FAF1: variants seen among roughly 807,000 people sequenced by gnomAD.
The protein encoded by FAF1 is FAS-associated factor 1.
A neutral mutation model predicts 92.5 loss-of-function variants in FAF1; 25 were observed. The observed-to-expected ratio is 0.27, with a 90% CI of 0.20 to 0.38. FAF1 has a LOEUF of 0.38. FAF1 is among the 10% of genes least tolerant of loss of function. The probability of loss-of-function intolerance (pLI) is 1.00; values close to 1 mark genes in which losing one functional copy is unlikely to be tolerated. For missense variants in FAF1, 636 were observed against 793.3 expected (o/e 0.80, Z 2.38); for synonymous variants, 234 against 273.2 (o/e 0.86, Z 1.42).
intron 13 of FAF1, among the ~76,000 whole-genome samples, chr1:50,552,754 C>A (rs1329933646): frequency 6.6e-6 from 1 of 151,714 alleles, no homozygotes; most frequent in Admixed American, 6.6e-5. Flanking sequence ...CTAGTGGGGG[C>A]AGCTGGGAGG....
chr1:50,673,731 GCT>G (rs1373120191), intron 7 of FAF1, among the ~76,000 whole-genome samples: 1 of 152,020 alleles, frequency 6.6e-6, no homozygotes, highest in Non-Finnish European at 1.5e-5. Context: ...AAATGCAAAG[GCT>G]CTGTTAGGTA....
chr1:50,893,339 C>A (rs140438824), intron 1 of FAF1, among the ~76,000 whole-genome samples: 1 of 152,142 alleles, frequency 6.6e-6, no homozygotes, highest in Non-Finnish European at 1.5e-5. Flanking sequence ...GGAAGACTTT[C>A]CAGGTATTGG....
chr1:50,541,125 T>A (rs887609812), intron 13 of FAF1, among the ~76,000 whole-genome samples: 2 of 152,200 alleles, frequency 1.3e-5, no homozygotes, highest in Non-Finnish European at 2.9e-5. Context: ...TCTTAATTTT[T>A]AAAGCCAATA....
chr1:50,657,284 C>T (rs1264415214), intron 7 of FAF1, among the ~76,000 whole-genome samples: 2 of 151,114 alleles, frequency 1.3e-5, no homozygotes, highest in Non-Finnish European at 3.0e-5. Flanking sequence ...TCACAAATAA[C>T]GAATCATAAT....
intron 15 of FAF1, among the ~76,000 whole-genome samples, chr1:50,508,714 T>C (rs1162881054): frequency 6.6e-6 from 1 of 152,206 alleles, no homozygotes; most frequent in Admixed American, 6.5e-5. Context: ...TTGATTTTAT[T>C]TATTTGAGAT....
At chr1:50,907,232 A>G (rs780673900) in intron 1 of FAF1, among the ~76,000 whole-genome samples, 1 of 152,172 alleles carries the variant, frequency 6.6e-6, no homozygotes. Flanking sequence ...GATGAAGACA[A>G]CTTGATCGTG....
intron 7 of FAF1, among the ~76,000 whole-genome samples, chr1:50,700,307 T>A (rs1657411202): frequency 6.6e-6 from 1 of 152,088 alleles, no homozygotes; most frequent in South Asian, 2.1e-4. Flanking sequence ...CAGAGGTTCT[T>A]TTCCCCCCTC....
chr1:50,664,748 C>A (rs779651981), intron 7 of FAF1, among the ~76,000 whole-genome samples: 4 of 152,206 alleles, frequency 2.6e-5, no homozygotes, highest in African/African-American at 9.6e-5. Context: ...GAGTCGAGAT[C>A]GCGCTACTGC....
At chr1:50,557,326 C>T (rs970789641) in intron 13 of FAF1, among the ~76,000 whole-genome samples, 3 of 152,170 alleles carry the variant, frequency 2.0e-5, no homozygotes, top group African/African-American at 7.2e-5. Context: ...TTTAAAAAGT[C>T]TTTAGAGTTA....
chr1:50,875,875 T>C (rs989370381), intron 1 of FAF1, among the ~76,000 whole-genome samples: 1 of 152,212 alleles, frequency 6.6e-6, no homozygotes, highest in Non-Finnish European at 1.5e-5. Flanking sequence ...GACTCTAGTT[T>C]TGATAAAACC....
chr1:50,595,603 C>T (rs1004338064), intron 9 of FAF1, among the ~76,000 whole-genome samples: 3 of 152,074 alleles, frequency 2.0e-5, no homozygotes, highest in Admixed American at 6.6e-5. Context: ...AGTGCAGTGG[C>T]GCGATCTCGG....
At chr1:50,851,818 C>T (rs1399369430) in intron 2 of FAF1, among the ~76,000 whole-genome samples, 1 of 151,962 alleles carries the variant, frequency 6.6e-6, no homozygotes, top group Non-Finnish European at 1.5e-5. Flanking sequence ...AACTGTGAAC[C>T]TCAAAAGGTT....
chr1:50,821,935 C>G (rs953909645), intron 2 of FAF1, among the ~76,000 whole-genome samples: 1 of 151,700 alleles, frequency 6.6e-6, no homozygotes, highest in Non-Finnish European at 1.5e-5. Context: ...CTACGGTCAC[C>G]GAAATGCTCT....
chr1:50,575,416 A>G (rs1212279298), intron 12 of FAF1, among the ~76,000 whole-genome samples: 1 of 152,138 alleles, frequency 6.6e-6, no homozygotes, highest in African/African-American at 2.4e-5. Context: ...ATTTATATAA[A>G]CTATATCAGC....
intron 4 of FAF1, among the ~76,000 whole-genome samples, chr1:50,759,987 T>C (rs954088989): frequency 3.3e-5 from 5 of 152,218 alleles, no homozygotes; most frequent in African/African-American, 1.2e-4. Flanking sequence ...TCACCCACTT[T>C]TTGATGGGGT....
chr1:50,956,939 A>ACTCCAT (rs1308662513), intron 1 of FAF1, among the ~76,000 whole-genome samples: 1 of 152,136 alleles, frequency 6.6e-6, no homozygotes, highest in East Asian at 1.9e-4. Flanking sequence ...CAAGAGTGAA[A>ACTCCAT]CTCCATCTCA....
Position 50,904,026 on chromosome 1 carries a change from T to C in FAF1, c.46-46029A>G, listed in dbSNP as rs575901944. ...AACAATTCCACTTCCGGGTATATAT[T>C]CCAAAAACTAAATGAAAACAGGGAT... is the stretch of plus-strand genomic sequence containing the variant. On this transcript the variant is annotated intron_variant, in intron 1 of 18. Coordinates refer to ENST00000396153, the MANE Select transcript of FAF1 (RefSeq NM_007051.3). Among the ~76,000 whole-genome samples, 5 of 152,144 alleles carry C rather than the reference T, an allele frequency of 3.3e-5. No homozygotes were observed. The South Asian group carries it at 1.0e-3, about 31-fold the overall frequency.
intron 8 of FAF1, among the ~76,000 whole-genome samples, chr1:50,622,499 C>A (rs1042563903): frequency 6.6e-6 from 1 of 152,132 alleles, no homozygotes; most frequent in Non-Finnish European, 1.5e-5. Flanking sequence ...CACTTCCAGG[C>A]CGCATTTAGT....
chr1:50,475,359 G>C, intron 18 of FAF1, 105 bp downstream of exon 18: 1 of 812,778 alleles, frequency 1.2e-6, no homozygotes, highest in Non-Finnish European at 2.0e-6. Context: ...TGTTTGTCTT[G>C]TAGTTGCCTG....
Sources: allele counts gnomAD v4.1 joint callset (sites outside exome capture counted in the v4.1 genomes callset), GRCh38; gene constraint gnomAD v4.1.1; transcripts MANE v1.5; gene names NCBI Gene and HGNC (gene_info 2026-07-23, HGNC 2026-07-21).